The following RPH3A variants were observed in gnomAD, a reference collection of about 807,000 sequenced individuals.
The protein encoded by RPH3A is rabphilin-3A.
A neutral mutation model predicts 102.2 loss-of-function variants in RPH3A; 48 were observed. The observed-to-expected ratio is 0.47, with a 90% CI of 0.37 to 0.60. RPH3A has a LOEUF of 0.60. Ranked by LOEUF, RPH3A falls within the 20% of genes least tolerant of loss-of-function variation. The pLI is 0.00. For synonymous variants in RPH3A, 310 were observed against 324.3 expected, an observed-to-expected ratio of 0.96 and a Z score of 0.47; for missense variants, 781 against 910.1, an observed-to-expected ratio of 0.86 and a Z score of 1.83.
chr12:112,870,477 G>A (rs1356233420), intron 10 of RPH3A, among the ~76,000 whole-genome samples: 5 of 152,224 alleles, frequency 3.3e-5, no homozygotes, highest in African/African-American at 9.6e-5. Context: ...ACATGTGCTC[G>A]TATTGGGTAC....
intron 1 of RPH3A, among the ~76,000 whole-genome samples, chr12:112,580,960 T>C (rs1266426515): frequency 6.6e-6 from 1 of 152,186 alleles, no homozygotes; most frequent in Non-Finnish European, 1.5e-5. Context: ...TCCACTGCAT[T>C]CCACACTGGC....
chr12:112,840,601 G>A (rs1331079811), intron 4 of RPH3A, among the ~76,000 whole-genome samples: 3 of 152,174 alleles, frequency 2.0e-5, no homozygotes, highest in African/African-American at 7.2e-5. Context: ...GCATGCTAAA[G>A]TTTGAGAAGT....
intron 2 of RPH3A, among the ~76,000 whole-genome samples, chr12:112,808,834 G>C (rs994000324): frequency 3.9e-5 from 6 of 152,144 alleles, no homozygotes; most frequent in African/African-American, 1.4e-4. Context: ...ATCCCTCCAG[G>C]TGATTCTGAT....
At chr12:112,870,830 C>CTA (rs1324622364) in intron 10 of RPH3A, among the ~76,000 whole-genome samples, 3 of 152,176 alleles carry the variant, frequency 2.0e-5, no homozygotes, top group Admixed American at 6.5e-5. Flanking sequence ...GACAATGAAC[C>CTA]TATGGTTCAG....
intron 1 of RPH3A, among the ~76,000 whole-genome samples, chr12:112,677,692 C>T (rs534288428): frequency 6.6e-6 from 1 of 151,956 alleles, no homozygotes; most frequent in South Asian, 2.1e-4. Context: ...CAAAATGAAT[C>T]CCCACCTCAC....
At chr12:112,639,555 A>G (rs2039871711) in intron 1 of RPH3A, among the ~76,000 whole-genome samples, 1 of 152,114 alleles carries the variant, frequency 6.6e-6, no homozygotes, top group Admixed American at 6.5e-5. Flanking sequence ...TGGGTTTAAT[A>G]CCCAGGTGAT....
At chr12:112,699,420 T>C (rs1332705314) in intron 1 of RPH3A, among the ~76,000 whole-genome samples, 1 of 152,204 alleles carries the variant, frequency 6.6e-6, no homozygotes, top group African/African-American at 2.4e-5. Context: ...AATTCGGATA[T>C]ATTCATCCAT....
In RPH3A at chr12:112,589,977, G is replaced by C. The variant is rs546854231; in HGVS notation, c.-140+14658G>C. Among the ~76,000 whole-genome samples, 11 of 152,048 alleles carry C rather than the reference G, an allele frequency of 7.2e-5. No homozygotes were observed. In the South Asian group the frequency reaches 2.1e-3, roughly 29 times the overall value. ...GCACACCTGTAATCCCAGCTACTTG[G>C]GAGGCTGAGGCAGGAGGATCGCTTG... is the stretch of plus-strand genomic sequence containing the variant. On this transcript the variant is annotated intron_variant, in intron 1 of 21. Coordinates refer to the RPH3A transcript ENST00000543106.
intron 1 of RPH3A, among the ~76,000 whole-genome samples, chr12:112,722,973 G>A (rs1274027001): frequency 6.6e-6 from 1 of 152,190 alleles, no homozygotes; most frequent in African/African-American, 2.4e-5. Context: ...CAGTGTCAAG[G>A]AGACACACTT....
chr12:112,878,494 G>A (rs550343851), intron 13 of RPH3A, among the ~76,000 whole-genome samples: 1 of 152,306 alleles, frequency 6.6e-6, no homozygotes, highest in South Asian at 2.1e-4. Context: ...AAAAAAGATA[G>A]ACATGCCAGC....
chr12:112,665,681 G>T (rs1049669218), intron 1 of RPH3A, among the ~76,000 whole-genome samples: 1 of 152,116 alleles, frequency 6.6e-6, no homozygotes, highest in Non-Finnish European at 1.5e-5. Flanking sequence ...TGCTTGATTT[G>T]GGCTATTATC....
intron 1 of RPH3A, among the ~76,000 whole-genome samples, chr12:112,784,793 A>G: frequency 6.6e-6 from 1 of 152,348 alleles, no homozygotes; most frequent in East Asian, 1.9e-4. Context: ...TCAGCTGTTT[A>G]TTTGTTACAG....
chr12:112,616,426 T>C (rs1334940051), intron 1 of RPH3A, among the ~76,000 whole-genome samples: 2 of 152,170 alleles, frequency 1.3e-5, no homozygotes, highest in Admixed American at 6.5e-5. Context: ...GGATTGCAGG[T>C]GTGAGCCACC....
rs546821379 is a variant in RPH3A at position 112,864,338 on chromosome 12, C to T, written c.231-1076C>T. Among the ~76,000 whole-genome samples the T allele has an allele frequency of 9.9e-5, 15 of 151,804 alleles. No homozygotes were observed. In the South Asian group the frequency reaches 2.9e-3, roughly 29 times the overall value. On this transcript the variant is annotated intron_variant, in intron 5 of 21. Transcript: ENST00000389385. ...TGGCAGTGTGTGCCTGTAGTCCCAG[C>T]TACTCAGGAGGCTGAGGCAGGAGAA...
chr12:112,857,894 A>G (rs887894699), intron 5 of RPH3A, among the ~76,000 whole-genome samples: 7 of 152,170 alleles, frequency 4.6e-5, no homozygotes, highest in Admixed American at 3.3e-4. Flanking sequence ...TGCCTGCTTC[A>G]TTCTACCTGG....
chr12:112,763,115 G>A (rs115876386), intron 1 of RPH3A, among the ~76,000 whole-genome samples: 2,130 of 152,264 alleles, frequency 0.014, 49 homozygotes, highest in African/African-American at 0.049. Flanking sequence ...ATATACTGTC[G>A]TGCTATTAGC....
chr12:112,642,909 CT>C (rs2039901110), intron 1 of RPH3A, among the ~76,000 whole-genome samples: 1 of 152,120 alleles, frequency 6.6e-6, no homozygotes, highest in South Asian at 2.1e-4. Flanking sequence ...TCTGGAGATA[CT>C]TTTTGGTTGT....
At chr12:112,832,263 A>G (rs1010698257) in intron 3 of RPH3A, among the ~76,000 whole-genome samples, 1 of 152,146 alleles carries the variant, frequency 6.6e-6, no homozygotes, top group African/African-American at 2.4e-5. Flanking sequence ...TTGCCATTAA[A>G]CCACCCATTG....
At chr12:112,627,085 G>T (rs974785326) in intron 1 of RPH3A, among the ~76,000 whole-genome samples, 1 of 125,226 alleles carries the variant, frequency 8.0e-6, no homozygotes, top group Non-Finnish European at 1.7e-5. Flanking sequence ...GGGAGGGATA[G>T]CATTGGGAGA....
Sources: gnomAD v4.1 joint callset for allele counts (sites outside exome capture counted in the v4.1 genomes callset) on GRCh38, gnomAD v4.1.1 for gene constraint, MANE v1.5 for transcripts, NCBI Gene and HGNC (gene_info 2026-07-23, HGNC 2026-07-21) for gene names.